The following DIAPH3 variants were observed in gnomAD, a reference collection of about 807,000 sequenced individuals.
The protein encoded by DIAPH3 is diaphanous related formin 3.
Under a neutral mutation model 144.3 loss-of-function variants are expected in DIAPH3, and 117 were observed. That is an observed-to-expected ratio of 0.81 (90% confidence interval 0.70 to 0.95). The LOEUF is 0.95. Among genes scored for constraint, DIAPH3 ranks in the 40% least tolerant of loss-of-function variants. The pLI, the probability that DIAPH3 is intolerant of heterozygous loss-of-function variation, is 0.00. For missense variants in DIAPH3, 1,421 were observed against 1,412.7 expected (o/e 1.01, Z -0.09); for synonymous variants, 519 against 488.9 (o/e 1.06, Z -0.81).
chr13:60,038,678 T>G (rs957778003), intron 5 of DIAPH3, among the ~76,000 whole-genome samples: 1 of 152,180 alleles, frequency 6.6e-6, no homozygotes, highest in Non-Finnish European at 1.5e-5. Context: ...GAGAAAATTA[T>G]TCTTGTTAAT....
At chr13:60,062,396 C>T (rs1317436884) in intron 4 of DIAPH3, among the ~76,000 whole-genome samples, 1 of 152,142 alleles carries the variant, frequency 6.6e-6, no homozygotes, top group African/African-American at 2.4e-5. Context: ...GAAATACATG[C>T]TTGGGAATTT....
chr13:59,894,424 T>G (rs1038028943), intron 20 of DIAPH3, among the ~76,000 whole-genome samples: 1 of 151,934 alleles, frequency 6.6e-6, no homozygotes, highest in Non-Finnish European at 1.5e-5. Flanking sequence ...AGAGAGATCA[T>G]TAATGAGGCC....
In DIAPH3 at chr13:59,748,316, C is replaced by CTTGA. The variant is rs150042640; in HGVS notation, c.3319+25869_3319+25872dup. Among the ~76,000 whole-genome samples, 230 of 152,284 alleles carry CTTGA rather than the reference C, an allele frequency of 1.5e-3. 2 individuals are homozygous for CTTGA. Among genetic ancestry groups the CTTGA allele is most frequent in the African/African-American group, 5.2e-3 (216 of 41,544 alleles). On this transcript the variant is annotated intron_variant, in intron 27 of 27. Coordinates refer to ENST00000400324, the MANE Select transcript of DIAPH3 (RefSeq NM_001042517.2). ...CTAGTTCTCTAGAGGGCTGCTGTGGCTTGATCATTACGGAAATCTATCCTA... is the reference window on the plus strand; with the variant it reads ...CTAGTTCTCTAGAGGGCTGCTGTGGCTTGATTGATCATTACGGAAATCTATCCTA...
chr13:60,111,450 C>T (rs2058565119), intron 3 of DIAPH3, among the ~76,000 whole-genome samples: 1 of 152,176 alleles, frequency 6.6e-6, no homozygotes, highest in Non-Finnish European at 1.5e-5. Context: ...CAGGGGTCCC[C>T]AACCCCGTTA....
At chr13:60,030,381 G>A (rs550946152) in intron 5 of DIAPH3, among the ~76,000 whole-genome samples, 32 of 151,844 alleles carry the variant, frequency 2.1e-4, no homozygotes, top group Non-Finnish European at 3.4e-4. Context: ...AAAAGGAATC[G>A]CAACAATTTA....
intron 2 of DIAPH3, among the ~76,000 whole-genome samples, chr13:60,129,844 G>C (rs539102025): frequency 2.0e-5 from 3 of 152,260 alleles, no homozygotes; most frequent in Admixed American, 2.0e-4. Context: ...AAAATATCCA[G>C]CTACCCTTTC....
chr13:59,911,471 T>A (rs1000968754), intron 20 of DIAPH3, among the ~76,000 whole-genome samples: 1 of 152,236 alleles, frequency 6.6e-6, no homozygotes, highest in African/African-American at 2.4e-5. Context: ...GTTTTTACTT[T>A]ACATTTTAAC....
At chr13:59,892,622 A>C (rs919357941) in intron 20 of DIAPH3, among the ~76,000 whole-genome samples, 4 of 152,054 alleles carry the variant, frequency 2.6e-5, no homozygotes, top group African/African-American at 9.7e-5. Flanking sequence ...GTCCTAAAGC[A>C]CCAATAATAT....
intron 1 of DIAPH3, among the ~76,000 whole-genome samples, chr13:60,147,009 C>A (rs963370183): frequency 1.3e-5 from 2 of 152,184 alleles, no homozygotes; most frequent in African/African-American, 4.8e-5. Flanking sequence ...GGCTATAAAA[C>A]TGCATCATCT....
At chr13:59,820,994 T>C (rs1316779280) in intron 24 of DIAPH3, among the ~76,000 whole-genome samples, 1 of 151,840 alleles carries the variant, frequency 6.6e-6, no homozygotes, top group Non-Finnish European at 1.5e-5. Context: ...AACTAGGAGA[T>C]TTAATCATTT....
intron 27 of DIAPH3, among the ~76,000 whole-genome samples, chr13:59,714,481 G>A (rs980689301): frequency 2.6e-5 from 4 of 152,138 alleles, no homozygotes; most frequent in Non-Finnish European, 5.9e-5. Flanking sequence ...GCTGCAATGG[G>A]CTATGAACAC....
intron 7 of DIAPH3, chr13:60,012,808 C>T (rs1037507865): frequency 5.8e-6 from 1 of 171,308 alleles, no homozygotes; most frequent in African/African-American, 2.4e-5. Context: ...GGAGCATACT[C>T]TGATTTCACA....
chr13:60,161,816 CCAGA>C (rs1451018611), intron 1 of DIAPH3, among the ~76,000 whole-genome samples: 10 of 151,450 alleles, frequency 6.6e-5, no homozygotes, highest in Admixed American at 2.0e-4. Context: ...TCAAGAATGC[CCAGA>C]CAGATTTGAA....
intron 27 of DIAPH3, among the ~76,000 whole-genome samples, chr13:59,732,469 G>A (rs146956687): frequency 4.6e-5 from 7 of 151,100 alleles, no homozygotes; most frequent in African/African-American, 1.7e-4. Flanking sequence ...TTGAGACAGA[G>A]TCTCACTCCC....
At chr13:59,680,595 A>C (rs1041050343) in intron 27 of DIAPH3, among the ~76,000 whole-genome samples, 5 of 151,808 alleles carry the variant, frequency 3.3e-5, no homozygotes, top group Non-Finnish European at 7.4e-5. Context: ...AATCAATGAA[A>C]ATGCAGCTAT....
chr13:60,155,673 G>A (rs1266636507), intron 1 of DIAPH3, among the ~76,000 whole-genome samples: 1 of 152,148 alleles, frequency 6.6e-6, no homozygotes, highest in Non-Finnish European at 1.5e-5. Flanking sequence ...CTCAATTCTT[G>A]ACAGTTTAAC....
At chr13:59,859,564 G>GA (rs1256296597) in intron 22 of DIAPH3, among the ~76,000 whole-genome samples, 2 of 151,812 alleles carry the variant, frequency 1.3e-5, no homozygotes, top group Admixed American at 1.3e-4. Flanking sequence ...TTTTCCCCAG[G>GA]AAAAAAACTC....
At chr13:59,745,411 G>C (rs1056678069) in intron 27 of DIAPH3, among the ~76,000 whole-genome samples, 1 of 152,158 alleles carries the variant, frequency 6.6e-6, no homozygotes, top group African/African-American at 2.4e-5. Flanking sequence ...AGGTATTTCA[G>C]ACAAGTGTAC....
intron 13 of DIAPH3, among the ~76,000 whole-genome samples, chr13:59,983,139 TAA>T (rs4054895): frequency 6.7e-5 from 7 of 104,690 alleles, no homozygotes; most frequent in African/African-American, 1.5e-4. Context: ...GCTTTATCTT[TAA>T]AAAAAAAAAA....
Sources: allele counts gnomAD v4.1 joint callset (sites outside exome capture counted in the v4.1 genomes callset), GRCh38; gene constraint gnomAD v4.1.1; transcripts MANE v1.5; gene names NCBI Gene and HGNC (gene_info 2026-07-23, HGNC 2026-07-21).